CDH4: variants seen among roughly 807,000 people sequenced by gnomAD.
The protein encoded by CDH4 is cadherin 4, also known as cadherin-4.
Under a neutral mutation model 86.0 loss-of-function variants are expected in CDH4, and 33 were observed. That is an observed-to-expected ratio of 0.38 (90% confidence interval 0.29 to 0.51). The LOEUF (loss-of-function observed/expected upper bound fraction) is 0.51. Ranked by LOEUF, CDH4 falls within the 20% of genes least tolerant of loss-of-function variation. The pLI is 0.86. For missense variants in CDH4, 1,114 were observed against 1,307.4 expected (o/e 0.85, Z 2.28); for synonymous variants, 555 against 549.4 (o/e 1.01, Z -0.14).
chr20:61,929,964 G>A, intron 13 of CDH4, 122 bp downstream of exon 13: 3 of 724,166 alleles, frequency 4.1e-6, no homozygotes, highest in Non-Finnish European at 7.0e-6. Flanking sequence ...AGCCTCATCT[G>A]TCAGGAGCCT....
chr20:61,846,878 G>A (rs991684147), intron 5 of CDH4, among the ~76,000 whole-genome samples: 1 of 151,858 alleles, frequency 6.6e-6, no homozygotes, highest in Non-Finnish European at 1.5e-5. Flanking sequence ...AGGAGAGCTG[G>A]GTCAGCCCAC....
At chr20:61,705,294 C>T (rs1384408104) in intron 2 of CDH4, among the ~76,000 whole-genome samples, 2 of 152,250 alleles carry the variant, frequency 1.3e-5, no homozygotes, top group Non-Finnish European at 2.9e-5. Flanking sequence ...TGCTGCCTGT[C>T]CCGGCCAGGC....
chr20:61,280,358 C>G (rs544893669), intron 2 of CDH4, among the ~76,000 whole-genome samples: 39 of 152,362 alleles, frequency 2.6e-4, no homozygotes, highest in African/African-American at 9.4e-4. Context: ...GCCACCCAAG[C>G]AGCCAATCCC....
At chr20:61,458,546 A>T (rs929568564) in intron 2 of CDH4, among the ~76,000 whole-genome samples, 2 of 151,922 alleles carry the variant, frequency 1.3e-5, no homozygotes, top group African/African-American at 2.4e-5. Context: ...GGTGGTGGTG[A>T]TGATAATGGA....
At chr20:61,667,372 A>G (rs900977312) in intron 2 of CDH4, among the ~76,000 whole-genome samples, 11 of 152,228 alleles carry the variant, frequency 7.2e-5, no homozygotes, top group African/African-American at 2.4e-4. Context: ...GCCAGGGACC[A>G]CCATGAGCCC....
intron 13 of CDH4, among the ~76,000 whole-genome samples, chr20:61,932,510 C>T (rs1471256180): frequency 4.6e-5 from 7 of 152,126 alleles, no homozygotes; most frequent in African/African-American, 9.7e-5. Flanking sequence ...ACGAAGTACA[C>T]ATGGACACAT....
At chr20:61,258,346 G>GAAAAAAA (rs1234257125) in intron 2 of CDH4, among the ~76,000 whole-genome samples, 3 of 42,788 alleles carry the variant, frequency 7.0e-5, no homozygotes, top group Admixed American at 2.4e-4. Context: ...AAAAAAAAAA[G>GAAAAAAA]AAAAAAAAAA....
At chr20:61,722,182 A>G (rs2088050141) in intron 2 of CDH4, among the ~76,000 whole-genome samples, 1 of 140,790 alleles carries the variant, frequency 7.1e-6, no homozygotes, top group East Asian at 2.2e-4. Flanking sequence ...TAGATGCAGG[A>G]CCTGCTTTGG....
intron 2 of CDH4, among the ~76,000 whole-genome samples, chr20:61,441,186 T>C (rs1441822707): frequency 6.6e-6 from 1 of 152,202 alleles, no homozygotes; most frequent in African/African-American, 2.4e-5. Context: ...ACACCGGCCC[T>C]GCTGTCATCC....
intron 2 of CDH4, among the ~76,000 whole-genome samples, chr20:61,307,799 T>G (rs2084425199): frequency 6.6e-6 from 1 of 152,082 alleles, no homozygotes; most frequent in Non-Finnish European, 1.5e-5. Context: ...AAGAGTGAGG[T>G]GCTGGCATGG....
intron 4 of CDH4, among the ~76,000 whole-genome samples, chr20:61,835,471 C>A (rs1981828313): frequency 6.6e-6 from 1 of 152,340 alleles, no homozygotes; most frequent in African/African-American, 2.4e-5. Context: ...TGGGAGCCAG[C>A]CACCCAGCCC....
At chr20:61,514,491 C>A (rs1307683376) in intron 2 of CDH4, among the ~76,000 whole-genome samples, 1 of 152,184 alleles carries the variant, frequency 6.6e-6, no homozygotes, top group African/African-American at 2.4e-5. Flanking sequence ...TTGTTTTAGG[C>A]TACTGTTCCC....
At chr20:61,873,697 A>G (rs779698237) in intron 6 of CDH4, 31 bp from the exon 7 acceptor site, 14 of 1,601,676 alleles carry the variant, frequency 8.7e-6, no homozygotes, top group Non-Finnish European at 1.2e-5. Context: ...GTGGCAGGCC[A>G]TCCCCATCTG....
At chr20:61,481,136 C>G (rs2085565836) in intron 2 of CDH4, among the ~76,000 whole-genome samples, 1 of 152,210 alleles carries the variant, frequency 6.6e-6, no homozygotes, top group African/African-American at 2.4e-5. Context: ...TTCCTTTTCT[C>G]TACACATCTT....
chr20:61,900,463 C>T (rs943401683), intron 8 of CDH4, among the ~76,000 whole-genome samples: 4 of 152,156 alleles, frequency 2.6e-5, no homozygotes, highest in Non-Finnish European at 5.9e-5. Context: ...CCTTGCTCCT[C>T]CTACCAGGGA....
chr20:61,408,763 T>G (rs2085098412), intron 2 of CDH4, among the ~76,000 whole-genome samples: 1 of 152,124 alleles, frequency 6.6e-6, no homozygotes, highest in Non-Finnish European at 1.5e-5. Flanking sequence ...GTGAAGCAGC[T>G]TATTTTTTAT....
At chr20:61,275,143 TG>T (rs1226047158) in intron 2 of CDH4, among the ~76,000 whole-genome samples, 1 of 102,726 alleles carries the variant, frequency 9.7e-6, no homozygotes, top group Non-Finnish European at 1.8e-5. Context: ...GTGTGCAGTT[TG>T]GGGGAGTATT....
chr20:61,931,975 C>T lies in CDH4; in HGVS notation c.2240-1010C>T, dbSNP rs538539924. Among the ~76,000 whole-genome samples the T allele has an allele frequency of 8.5e-5, 13 of 152,234 alleles. No individual in the cohort carries two copies. The East Asian group carries it at 2.5e-3, about 29-fold the overall frequency. On this transcript the variant is annotated intron_variant, in intron 13 of 15. Coordinates refer to ENST00000614565, the MANE Select transcript of CDH4 (RefSeq NM_001794.5). ...TACTGGGTGGGGCTGCCCTTCTGTC[C>T]AGCGACGCCCTGGACTGACCCCACC...
At chr20:61,490,904 TG>T (rs777387966) in intron 2 of CDH4, among the ~76,000 whole-genome samples, 2 of 152,250 alleles carry the variant, frequency 1.3e-5, no homozygotes, top group East Asian at 3.9e-4. Context: ...CTGATAAGGA[TG>T]GTTGAGTGTA....
Sources: gnomAD v4.1 joint callset for allele counts (sites outside exome capture counted in the v4.1 genomes callset) on GRCh38, gnomAD v4.1.1 for gene constraint, MANE v1.5 for transcripts, NCBI Gene and HGNC (gene_info 2026-07-23, HGNC 2026-07-21) for gene names.